The following SSTR4 variants were observed in gnomAD, a reference collection of about 807,000 sequenced individuals.
The protein encoded by SSTR4 is somatostatin receptor type 4.
For synonymous variants in SSTR4, 272 were observed against 246.3 expected (o/e 1.10, Z -0.98); for missense variants, 649 against 540.6 (o/e 1.20, Z -1.99).
At position 23,035,623 on chromosome 20, in the gene SSTR4, T is replaced by A. The variant is rs1331353349; in HGVS notation, c.140T>A (p.Met47Lys). 4 of 1,543,758 alleles carry A rather than the reference T, an allele frequency of 2.6e-6. No individual in the cohort carries two copies. Among genetic ancestry groups the A allele is most frequent in the African/African-American group, 1.4e-5 (1 of 71,734 alleles). The part of the protein sequence containing the change: ...AGPGDARAAG[M>K]VAIQCIYALV... The stretch of plus-strand genomic sequence containing the variant: ...CCCGGGGACGCGCGGGCGGCGGGCA[T>A]GGTCGCTATCCAGTGCATCTACGCG... Residue 47 changes from methionine (M) to lysine (K), a missense_variant, in exon 1 of 1, where the codon ATG becomes AAG. Met to Lys is a moderately conservative substitution (Grantham distance 95, BLOSUM62 -1). Coordinates refer to ENST00000255008, the MANE Select transcript of SSTR4 (RefSeq NM_001052.4).
In SSTR4 at chr20:23,036,463, G is replaced by A; in HGVS notation, c.980G>A (p.Cys327Tyr). ...CGCCGATTCTTCCAGCGGGTTCTCT[G>A]CCTGCGCTGCTGCCTCCTGGAAGGT... ...NFRRFFQRVL[C>Y]LRCCLLEGAG... The change falls in exon 1 of 1, where the codon TGC becomes TAC. Residue 327 changes from cysteine (C) to tyrosine (Y), a missense_variant. Coordinates refer to ENST00000255008, the MANE Select transcript of SSTR4 (RefSeq NM_001052.4). 3.1e-6 allele frequency: 5 copies of A among 1,613,702 alleles called. No homozygotes were observed. The highest frequency in any genetic ancestry group is 1.1e-5 in the South Asian group (1 of 91,028).
In SSTR4 at chr20:23,035,959, G is replaced by A. The variant is rs1329925941; in HGVS notation, c.476G>A (p.Arg159Gln). ...VHPLRAATYR[R>Q]PSVAKLINLG... Reference sequence around the variant, plus strand: ...CCTCTGCGCGCGGCGACCTACCGGCGGCCCAGCGTGGCCAAGCTCATCAAC... The same window carrying A: ...CCTCTGCGCGCGGCGACCTACCGGCAGCCCAGCGTGGCCAAGCTCATCAAC... Residue 159 changes from arginine to glutamine, a missense_variant, in exon 1 of 1, where the codon CGG (arginine) becomes CAG (glutamine). Transcript: ENST00000255008. The A allele has an allele frequency of 3.7e-6, 6 of 1,607,988 alleles. No homozygotes were observed. Among genetic ancestry groups the A allele is most frequent in the Non-Finnish European group, 5.1e-6 (6 of 1,178,604 alleles).
Position 23,037,596 on chromosome 20 carries a change from A to G in SSTR4, c.*946A>G, listed in dbSNP as rs1012629963. Among the ~76,000 whole-genome samples, 7 of 152,166 alleles carry G rather than the reference A, an allele frequency of 4.6e-5. No individual in the cohort carries two copies. The highest frequency in any genetic ancestry group is 1.7e-4 in the African/African-American group (7 of 41,438). On this transcript the variant is annotated 3_prime_UTR_variant, in exon 1 of 1. Transcript: ENST00000255008. Reference sequence around the variant, plus strand: ...TTCAGTAAAACATCAGCCACATTAGATATTAACATGTAAGTTGAACACAAT... The same window carrying G: ...TTCAGTAAAACATCAGCCACATTAGGTATTAACATGTAAGTTGAACACAAT...
At position 23,038,660 on chromosome 20, in the gene SSTR4, A is replaced by G. The variant is rs1375168225; in HGVS notation, c.*2010A>G. ...TAAGCCTCAGTTTCCCACTTGGAAT[A>G]TGTGCCAAGGGAGGTTCGAGTTTTG... On this transcript the variant is annotated 3_prime_UTR_variant, in exon 1 of 1. Coordinates refer to ENST00000255008, the MANE Select transcript of SSTR4 (RefSeq NM_001052.4). 6.6e-6 allele frequency among the ~76,000 whole-genome samples: 1 copy of G among 152,190 alleles called. No individual in the cohort carries two copies. The highest frequency in any genetic ancestry group is 2.4e-5 in the African/African-American group (1 of 41,442).
Position 23,035,491 on chromosome 20 carries a change from C to A in SSTR4, c.8C>A (p.Ala3Asp), listed in dbSNP as rs1271643691. Reference protein sequence around the residue: MSAPSTLPPGGEE... With the variant: MSDPSTLPPGGEE... The stretch of plus-strand genomic sequence containing the variant: ...GCGCCGGCACCCCTGGTCATGAGCG[C>A]CCCCTCGACGCTGCCCCCCGGGGGC... Residue 3 changes from alanine to aspartate, a missense_variant, in exon 1 of 1, where the codon GCC becomes GAC. By Grantham distance (126) the Ala-to-Asp change is moderately radical (BLOSUM62 -2). Transcript: ENST00000255008. 1.0e-5 allele frequency: 16 copies of A among 1,537,998 alleles called. No individual in the cohort carries two copies. Among genetic ancestry groups the A allele is most frequent in the Admixed American group, 7.9e-5 (4 of 50,448 alleles).
rs2567609 is a variant in SSTR4, at chr20:23,036,380, T to C, written c.897T>C (p.Leu299=). The C allele has an allele frequency of 0.46, 740,637 of 1,613,804 alleles. 171,802 individuals are homozygous for C. Among genetic ancestry groups the C allele is most frequent in the South Asian group, 0.57 (52,193 of 91,076 alleles). ...CCGTCAACCACGTGTCCCTTATCCT[T>C]AGCTATGCCAACAGCTGCGCCAACC... The part of the protein sequence containing the change: ...DATVNHVSLI[L]SYANSCANPI... Residue 299 remains leucine, a synonymous_variant, in exon 1 of 1, where the codon CTT becomes CTC. Transcript: ENST00000255008.
chr20:23,035,738 C>T lies in SSTR4; in HGVS notation c.255C>T (p.Tyr85=). The change falls in exon 1 of 1, where the codon TAC becomes TAT. Residue 85 remains tyrosine (Y), a synonymous_variant. Coordinates refer to ENST00000255008, the MANE Select transcript of SSTR4 (RefSeq NM_001052.4). ...AGATGAAGACGGCTACCAACATCTACCTGCTCAACCTGGCCGTAGCCGACG... is the reference window on the plus strand; with the variant it reads ...AGATGAAGACGGCTACCAACATCTATCTGCTCAACCTGGCCGTAGCCGACG... ...YAKMKTATNI[Y]LLNLAVADEL... 6.3e-7 allele frequency: 1 copy of T among 1,584,268 alleles called. No individual in the cohort carries two copies. Among genetic ancestry groups the T allele is most frequent in the South Asian group, 1.2e-5 (1 of 86,016 alleles).
At position 23,035,343 on chromosome 20, in the gene SSTR4, C is replaced by T. The variant is rs1475799072; in HGVS notation, c.-141C>T. On this transcript the variant is annotated 5_prime_UTR_variant, in exon 1 of 1. Coordinates refer to ENST00000255008, the MANE Select transcript of SSTR4 (RefSeq NM_001052.4). ...GCGGCGCGGGGATTGGCGGGCGCTC[C>T]CCGGTGCCCGCAGCTCTTCAGCGTA... is the stretch of plus-strand genomic sequence containing the variant. 51 of 638,298 alleles carry T rather than the reference C, an allele frequency of 8.0e-5. 1 individual carries two copies. Among genetic ancestry groups the T allele is most frequent in the Non-Finnish European group, 1.0e-4 (47 of 457,464 alleles). 39.5% of individuals were successfully genotyped at this position (638,298 alleles called of 1,614,324 possible).
In SSTR4 at chr20:23,035,831, C is replaced by G; in HGVS notation, c.348C>G (p.Ser116=). The change falls in exon 1 of 1, where the codon TCC becomes TCG. Residue 116 remains serine, a synonymous_variant. Coordinates refer to ENST00000255008, the MANE Select transcript of SSTR4 (RefSeq NM_001052.4). ...SAALRHWPFG[S]VLCRAVLSVD... is the part of the protein sequence containing the mutation. ...CCCTGCGCCACTGGCCCTTCGGCTC[C>G]GTGCTGTGCCGCGCGGTGCTCAGCG... 1 of 1,593,772 alleles carries G rather than the reference C, an allele frequency of 6.3e-7. No individual in the cohort carries two copies.
Position 23,036,647 on chromosome 20 carries a change from C to G in SSTR4, c.1164C>G (p.Phe388Leu). ...KRIPLTRTTT[F>L] Reference sequence around the variant, plus strand: ...TCCCCCTCACCAGGACCACCACCTTCTGAGGAGCCCTTCCCCTACCCACCC... The same window carrying G: ...TCCCCCTCACCAGGACCACCACCTTGTGAGGAGCCCTTCCCCTACCCACCC... The change falls in exon 1 of 1, where the codon TTC becomes TTG. Residue 388 changes from phenylalanine (F) to leucine (L), a missense_variant. Coordinates refer to ENST00000255008, the MANE Select transcript of SSTR4 (RefSeq NM_001052.4). The G allele has an allele frequency of 6.5e-7, 1 of 1,538,998 alleles. No homozygotes were observed.
rs200516243 is a variant in SSTR4 at position 23,036,143 on chromosome 20, C to T, written c.660C>T (p.Phe220=). The change falls in exon 1 of 1, where the codon TTC becomes TTT. Residue 220 remains phenylalanine (F), a synonymous_variant. Coordinates refer to ENST00000255008, the MANE Select transcript of SSTR4 (RefSeq NM_001052.4). Reference sequence around the variant, plus strand: ...TGGTCTACACTTTCCTGCTGGGCTTCCTGCTGCCCGTGCTGGCCATTGGCC... The same window carrying T: ...TGGTCTACACTTTCCTGCTGGGCTTTCTGCTGCCCGTGCTGGCCATTGGCC... ...VFVVYTFLLG[F]LLPVLAIGLC... 5.3e-3 allele frequency: 8,589 copies of T among 1,607,546 alleles called. 36 individuals are homozygous for T. The highest frequency in any genetic ancestry group is 6.4e-3 in the Non-Finnish European group (7,600 of 1,179,776).
chr20:23,037,038 C>A lies in SSTR4; in HGVS notation c.*388C>A, dbSNP rs1193688904. 6.6e-6 allele frequency among the ~76,000 whole-genome samples: 1 copy of A among 152,222 alleles called. No individual in the cohort carries two copies. Among genetic ancestry groups the A allele is most frequent in the Non-Finnish European group, 1.5e-5 (1 of 68,036 alleles). ...AGGGAGGTAGCACCCTTCCTCTCTG[C>A]AGACGCTCTGCCTTGTGGTGGGAGC... is the stretch of plus-strand genomic sequence containing the variant. On this transcript the variant is annotated 3_prime_UTR_variant, in exon 1 of 1. Coordinates refer to ENST00000255008, the MANE Select transcript of SSTR4 (RefSeq NM_001052.4).
chr20:23,035,550 G>C lies in SSTR4; in HGVS notation c.67G>C (p.Ala23Pro). 1 of 1,594,224 alleles carries C rather than the reference G, an allele frequency of 6.3e-7. No homozygotes were observed. Among genetic ancestry groups the C allele is most frequent in the Non-Finnish European group, 8.5e-7 (1 of 1,172,904 alleles). Residue 23 changes from alanine (A) to proline (P), a missense_variant, in exon 1 of 1, where the codon GCC (alanine) becomes CCC (proline). Coordinates refer to ENST00000255008, the MANE Select transcript of SSTR4 (RefSeq NM_001052.4). ...GCTGGGGACGGCCTGGCCCTCTGCA[G>C]CCAATGCCAGTAGCGCTCCGGCGGA... ...EGLGTAWPSA[A>P]NASSAPAEAE...
In SSTR4 at chr20:23,035,779, G is replaced by A. The variant is rs557243462; in HGVS notation, c.296G>A (p.Ser99Asn). 1 of 1,595,272 alleles carries A rather than the reference G, an allele frequency of 6.3e-7. No individual in the cohort carries two copies. The highest frequency in any genetic ancestry group is 8.5e-7 in the Non-Finnish European group (1 of 1,170,084). The change falls in exon 1 of 1, where the codon AGC becomes AAC. Residue 99 changes from serine to asparagine, a missense_variant. Ser to Asn is a conservative substitution (Grantham distance 46). Transcript: ENST00000255008. Reference protein sequence around the residue: ...LAVADELFMLSVPFVASSAAL... With the variant: ...LAVADELFMLNVPFVASSAAL... Reference sequence around the variant, plus strand: ...GTAGCCGACGAGCTCTTCATGCTGAGCGTGCCCTTCGTGGCCTCGTCGGCC... The same window carrying A: ...GTAGCCGACGAGCTCTTCATGCTGAACGTGCCCTTCGTGGCCTCGTCGGCC...
rs1407911006 is a variant in SSTR4, at chr20:23,035,320, G to A, written c.-164G>A. The A allele has an allele frequency of 1.1e-5, 5 of 461,362 alleles. No homozygotes were observed. Among genetic ancestry groups the A allele is most frequent in the Non-Finnish European group, 1.3e-5 (4 of 304,960 alleles). 28.6% of individuals were successfully genotyped at this position (461,362 alleles called of 1,614,324 possible). On this transcript the variant is annotated 5_prime_UTR_variant, in exon 1 of 1. Coordinates refer to ENST00000255008, the MANE Select transcript of SSTR4 (RefSeq NM_001052.4). ...CGGGCGCCCGCGCGGTGGGGCGCGC[G>A]GCGCGGGGATTGGCGGGCGCTCCCC... is the stretch of plus-strand genomic sequence containing the variant.
chr20:23,037,642 C>T lies in SSTR4; in HGVS notation c.*992C>T, dbSNP rs993657135. 3.3e-5 allele frequency among the ~76,000 whole-genome samples: 5 copies of T among 152,164 alleles called. No individual in the cohort carries two copies. Among genetic ancestry groups the T allele is most frequent in the African/African-American group, 1.2e-4 (5 of 41,428 alleles). ...ACAATAAAAGGCCGTATCTTTGTTG[C>T]CTGATGTGTTAACCAAAGGATAAAT... On this transcript the variant is annotated 3_prime_UTR_variant, in exon 1 of 1. Transcript: ENST00000255008.
rs1024443682 is a variant in SSTR4 at position 23,037,368 on chromosome 20, C to G, written c.*718C>G. On this transcript the variant is annotated 3_prime_UTR_variant, in exon 1 of 1. Coordinates refer to ENST00000255008, the MANE Select transcript of SSTR4 (RefSeq NM_001052.4). ...CAGATGATAAAAACTTCATCTAGCT[C>G]CTATGATGTAATTTTTTTTCCCTGA... 2 of 152,252 alleles carry G rather than the reference C, an allele frequency of 1.3e-5. No homozygotes were observed. Among genetic ancestry groups the G allele is most frequent in the East Asian group, 1.9e-4 (1 of 5,180 alleles). 9.4% of individuals were successfully genotyped at this position (152,252 alleles called of 1,614,324 possible).
rs1331250930 is a variant in SSTR4, at chr20:23,036,027, G to T, written c.544G>T (p.Ala182Ser). 2 of 1,590,718 alleles carry T rather than the reference G, an allele frequency of 1.3e-6. No homozygotes were observed. The highest frequency in any genetic ancestry group is 8.5e-7 in the Non-Finnish European group (1 of 1,173,526). Residue 182 changes from alanine to serine, a missense_variant, in exon 1 of 1, where the codon GCC becomes TCC. Coordinates refer to ENST00000255008, the MANE Select transcript of SSTR4 (RefSeq NM_001052.4). ...ATCCCTGTTGGTCACTCTCCCCATC[G>T]CCATCTTCGCAGACACCAGACCGGC... ...LASLLVTLPIAIFADTRPARG... is the reference protein window; with the variant it reads ...LASLLVTLPISIFADTRPARG...
rs35140595 is a variant in SSTR4 at position 23,035,945 on chromosome 20, G to A, written c.462G>A (p.Ala154=). 352 of 1,610,980 alleles carry A rather than the reference G, an allele frequency of 2.2e-4. 5 individuals carry two copies. In the East Asian group the frequency reaches 7.7e-3, roughly 35 times the overall value. ...TGGCCGTGGTGCACCCTCTGCGCGC[G>A]GCGACCTACCGGCGGCCCAGCGTGG... is the stretch of plus-strand genomic sequence containing the variant. ...RYVAVVHPLR[A]ATYRRPSVAK... Residue 154 remains alanine, a synonymous_variant, in exon 1 of 1, where the codon GCG becomes GCA. Coordinates refer to ENST00000255008, the MANE Select transcript of SSTR4 (RefSeq NM_001052.4).
Sources: allele counts gnomAD v4.1 joint callset (sites outside exome capture counted in the v4.1 genomes callset), GRCh38; gene constraint gnomAD v4.1.1; transcripts MANE v1.5; gene names NCBI Gene and HGNC (gene_info 2026-07-23, HGNC 2026-07-21).